The following STOML3 variants were observed in gnomAD, a reference collection of about 807,000 sequenced individuals.
STOML3 encodes stomatin like 3.
In STOML3, 31 loss-of-function variants were observed where a neutral mutation model predicts 29.5. That is an observed-to-expected ratio of 1.05 (90% confidence interval 0.79 to 1.42). The LOEUF (loss-of-function observed/expected upper bound fraction) is 1.42, where lower values mean the gene tolerates loss of function less well. STOML3 is among the 40% of genes most tolerant of loss of function. The probability of loss-of-function intolerance (pLI) is 0.00; values close to 1 mark genes in which losing one functional copy is unlikely to be tolerated. For synonymous variants in STOML3, 122 were observed against 139.8 expected (o/e 0.87, Z 0.90); for missense variants, 380 against 363.0 (o/e 1.05, Z -0.38).
At chr13:38,970,819 G>C (rs1405073537) in intron 4 of STOML3, among the ~76,000 whole-genome samples, 1 of 152,116 alleles carries the variant, frequency 6.6e-6, no homozygotes, top group Admixed American at 6.5e-5. Flanking sequence ...AGAAAACATA[G>C]ATGGCACCAG....
intron 1 of STOML3, chr13:38,980,058 G>A (rs1022966406): frequency 5.2e-6 from 8 of 1,551,682 alleles, no homozygotes; most frequent in Non-Finnish European, 7.0e-6. Context: ...TGACCTACAA[G>A]CTCGCCTCTG....
rs1197708363 is a variant in STOML3 at position 38,978,214 on chromosome 13, C to T, written c.53-1417G>A. ...TGTCGCCCAGGCTGGAGTGCAGTGG[C>T]GCAATCTCGGCTCACTGCAACTTCC... On this transcript the variant is annotated intron_variant, in intron 1 of 6. Coordinates refer to ENST00000379631, the MANE Select transcript of STOML3 (RefSeq NM_145286.3). Among the ~76,000 whole-genome samples the T allele has an allele frequency of 4.6e-5, 7 of 151,950 alleles. No homozygotes were observed. The East Asian group carries it at 9.7e-4, about 21-fold the overall frequency.
Position 38,977,316 on chromosome 13 carries a change from G to A in STOML3, c.53-519C>T, listed in dbSNP as rs147818979. On this transcript the variant is annotated intron_variant, in intron 1 of 6. Transcript: ENST00000379631. ...AGCTCTGTCACTTACCAATTCTAAA[G>A]CATTAGGATAGAAGACCACTCAGTC... is the stretch of plus-strand genomic sequence containing the variant. Among the ~76,000 whole-genome samples the A allele has an allele frequency of 6.2e-3, 943 of 152,300 alleles. 4 individuals carry two copies. Among genetic ancestry groups the A allele is most frequent in the Non-Finnish European group, 0.01 (694 of 68,014 alleles).
intron 1 of STOML3, among the ~76,000 whole-genome samples, chr13:38,977,747 C>T (rs1019561804): frequency 1.6e-4 from 21 of 132,038 alleles, no homozygotes; most frequent in African/African-American, 4.9e-4. Context: ...CTGAAGTCTC[C>T]GGATTTTTTT....
Position 38,972,685 on chromosome 13 carries a change from C to T in STOML3, c.230-91G>A, listed in dbSNP as rs373154617. The T allele has an allele frequency of 6.4e-6, 7 of 1,100,102 alleles. No individual in the cohort carries two copies. The Admixed American group carries it at 9.5e-5, about 15-fold the overall frequency. 68.1% of individuals were successfully genotyped at this position (1,100,102 alleles called of 1,614,324 possible). On this transcript the variant is annotated intron_variant, in intron 3 of 6. Coordinates refer to ENST00000379631, the MANE Select transcript of STOML3 (RefSeq NM_145286.3). ...AGCATAGTGCATCATTTACATGGGG[C>T]GATACATGTTTCTCAGATGATCCTC... is the stretch of plus-strand genomic sequence containing the variant.
At chr13:38,985,889 C>CTTTTTTT (rs200028643) in intron 1 of STOML3, among the ~76,000 whole-genome samples, 3 of 61,360 alleles carry the variant, frequency 4.9e-5, no homozygotes, top group African/African-American at 4.6e-5. Flanking sequence ...GTGGCTATTT[C>CTTTTTTT]TTTTTTTTTT....
intron 1 of STOML3, among the ~76,000 whole-genome samples, chr13:38,978,102 T>G (rs1052967883): frequency 6.6e-6 from 1 of 151,894 alleles, no homozygotes; most frequent in Non-Finnish European, 1.5e-5. Context: ...GCTGACCCTT[T>G]TAATTTAGAA....
At chr13:38,978,001 C>A (rs1419279885) in intron 1 of STOML3, among the ~76,000 whole-genome samples, 1 of 151,930 alleles carries the variant, frequency 6.6e-6, no homozygotes, top group African/African-American at 2.4e-5. Flanking sequence ...ACCTTGTGAT[C>A]TGCCCGCCTC....
intron 4 of STOML3, among the ~76,000 whole-genome samples, chr13:38,970,721 C>A (rs570641284): frequency 6.6e-6 from 1 of 152,308 alleles, no homozygotes; most frequent in African/African-American, 2.4e-5. Context: ...TATCTTCAGT[C>A]TTCTAAGCAG....
At position 38,988,249 on chromosome 13, in the gene STOML3, ATT is replaced by A. The variant is rs1566211540; in HGVS notation, c.52+2419_52+2420del. Among the ~76,000 whole-genome samples the A allele has an allele frequency of 5.1e-4, 45 of 88,016 alleles. 9 individuals are homozygous for A. The highest frequency in any genetic ancestry group is 2.4e-3 in the African/African-American group (44 of 18,330). The allele number at this position is 88,016 out of a possible 152,430, so 57.7% of individuals were successfully genotyped here. On this transcript the variant is annotated intron_variant, in intron 1 of 6. Transcript: ENST00000379631. ...ATATCATATATTTTATATATAATAT[ATT>A]ATATTTTATATCATATATTATATAT...
In STOML3 at chr13:38,968,443, G is replaced by C; in HGVS notation, c.608C>G (p.Ser203Cys). The change falls in exon 6 of 7, where the codon TCC (serine) becomes TGC (cysteine). Residue 203 changes from serine to cysteine, a missense_variant. Physicochemically the swap from Ser to Cys is moderately radical, Grantham distance 112 (BLOSUM62 -1). Coordinates refer to ENST00000379631, the MANE Select transcript of STOML3 (RefSeq NM_145286.3). ...GGTGGCCTCAGCCTCGGCTGCCATG[G>C]ATCTCTGCAACTGCACGGGAATCCG... ...DVRIPVQLQRSMAAEAEATRE... is the reference protein window; with the variant it reads ...DVRIPVQLQRCMAAEAEATRE... The C allele has an allele frequency of 6.2e-7, 1 of 1,614,110 alleles. No homozygotes were observed. The highest frequency in any genetic ancestry group is 8.5e-7 in the Non-Finnish European group (1 of 1,180,020).
At position 38,972,702 on chromosome 13, in the gene STOML3, A is replaced by T. The variant is rs1880922500; in HGVS notation, c.230-108T>A. 1.6e-5 allele frequency: 14 copies of T among 897,386 alleles called. No individual in the cohort carries two copies. In the South Asian group the frequency reaches 2.2e-4, roughly 14 times the overall value. 55.6% of individuals were successfully genotyped at this position (897,386 alleles called of 1,614,324 possible). On this transcript the variant is annotated intron_variant, in intron 3 of 6. Coordinates refer to ENST00000379631, the MANE Select transcript of STOML3 (RefSeq NM_145286.3). ...ACATGGGGCGATACATGTTTCTCAGATGATCCTCAATATGCACACATGAAA... is the reference window on the plus strand; with the variant it reads ...ACATGGGGCGATACATGTTTCTCAGTTGATCCTCAATATGCACACATGAAA...
At chr13:38,971,950 A>C (rs539455626) in intron 4 of STOML3, among the ~76,000 whole-genome samples, 4 of 152,192 alleles carry the variant, frequency 2.6e-5, no homozygotes, top group South Asian at 2.1e-4. Flanking sequence ...AACAAACAAA[A>C]AAAAGACTTA....
intron 1 of STOML3, among the ~76,000 whole-genome samples, chr13:38,977,128 C>A (rs748043312): frequency 5.4e-4 from 82 of 152,200 alleles, no homozygotes; most frequent in Non-Finnish European, 9.8e-4. Context: ...AATCTCTGGA[C>A]CGTCCACACC....
intron 3 of STOML3, among the ~76,000 whole-genome samples, chr13:38,973,112 A>C (rs1361831770): frequency 1.9e-4 from 27 of 145,788 alleles, no homozygotes; most frequent in African/African-American, 3.4e-4. Flanking sequence ...AAAAAAAAAA[A>C]AAAAAAAAAA....
Position 38,968,419 on chromosome 13 carries a change from G to A in STOML3, c.632C>T (p.Thr211Ile), listed in dbSNP as rs573607348. Residue 211 changes from threonine to isoleucine, a missense_variant, in exon 6 of 7, where the codon ACC (threonine) becomes ATC (isoleucine). By Grantham distance (89) the Thr-to-Ile change is moderately conservative. Transcript: ENST00000379631. Reference protein sequence around the residue: ...QRSMAAEAEATREARAKVLAA... With the variant: ...QRSMAAEAEAIREARAKVLAA... ...ACTTACCTTGGCTCTCGCTTCCCGGGTGGCCTCAGCCTCGGCTGCCATGGA... is the reference window on the plus strand; with the variant it reads ...ACTTACCTTGGCTCTCGCTTCCCGGATGGCCTCAGCCTCGGCTGCCATGGA... 4 of 1,614,084 alleles carry A rather than the reference G, an allele frequency of 2.5e-6. No homozygotes were observed. The Admixed American group carries it at 6.7e-5, about 27-fold the overall frequency.
Position 38,966,255 on chromosome 13 carries a change from G to C in STOML3, c.*570C>G, listed in dbSNP as rs1242568241. 1 of 152,500 alleles carries C rather than the reference G, an allele frequency of 6.6e-6. No individual in the cohort carries two copies. The highest frequency in any genetic ancestry group is 1.5e-5 in the Non-Finnish European group (1 of 68,284). The allele number at this position is 152,500 out of a possible 1,614,324, so 9.4% of individuals were successfully genotyped here. The stretch of plus-strand genomic sequence containing the variant: ...ACACACAGCAAGAGACCTGGACTGT[G>C]AGCTCATCGCAGTTTGCCTTGTGGC... On this transcript the variant is annotated 3_prime_UTR_variant, in exon 7 of 7. Coordinates refer to ENST00000379631, the MANE Select transcript of STOML3 (RefSeq NM_145286.3).
At chr13:38,983,851 C>G (rs1881350196) in intron 1 of STOML3, among the ~76,000 whole-genome samples, 1 of 152,116 alleles carries the variant, frequency 6.6e-6, no homozygotes, top group South Asian at 2.1e-4. Flanking sequence ...TGCTTTCTCT[C>G]TTTTCTTTTC....
At chr13:38,968,563 T>C (rs780128996) in intron 5 of STOML3, 29 bp from the exon 6 acceptor site, 2 of 1,612,750 alleles carry the variant, frequency 1.2e-6, no homozygotes, top group Non-Finnish European at 1.7e-6. Flanking sequence ...GGAAGACTAA[T>C]AAGAAAGACA....
Sources: gnomAD v4.1 joint callset for allele counts (sites outside exome capture counted in the v4.1 genomes callset) on GRCh38, gnomAD v4.1.1 for gene constraint, MANE v1.5 for transcripts, NCBI Gene and HGNC (gene_info 2026-07-23, HGNC 2026-07-21) for gene names.